SMAD1: variants seen among roughly 807,000 people sequenced by gnomAD.
SMAD1 encodes MAD, mothers against decapentaplegic homolog 1.
A neutral mutation model predicts 41.6 loss-of-function variants in SMAD1; 6 were observed. The observed-to-expected ratio is 0.14, with a 90% CI of 0.08 to 0.28. SMAD1 has a LOEUF of 0.28. SMAD1 is among the 10% of genes least tolerant of loss of function. The pLI is 1.00. For synonymous variants in SMAD1, 206 were observed against 203.2 expected (o/e 1.01, Z -0.12); for missense variants, 379 against 582.6 (o/e 0.65, Z 3.60).
chr4:145,534,156 C>T (rs1222044085), intron 2 of SMAD1, among the ~76,000 whole-genome samples: 2 of 152,168 alleles, frequency 1.3e-5, no homozygotes, highest in South Asian at 2.1e-4. Context: ...AACCTGCCAA[C>T]ACTTTGACTT....
intron 2 of SMAD1, 84 bp downstream of exon 2, chr4:145,515,097 CTTG>C (rs1255054341): frequency 4.0e-5 from 52 of 1,306,238 alleles, no homozygotes; most frequent in Non-Finnish European, 5.1e-5. Context: ...AATCCCTTTG[CTTG>C]TTTTTAGTTG....
At chr4:145,515,253 T>C (rs2126413838) in intron 2 of SMAD1, among the ~76,000 whole-genome samples, 1 of 152,154 alleles carries the variant, frequency 6.6e-6, no homozygotes, top group African/African-American at 2.4e-5. Context: ...GTTAACATTA[T>C]GTCTTGGGAG....
intron 2 of SMAD1, among the ~76,000 whole-genome samples, chr4:145,515,574 A>G (rs991423864): frequency 1.3e-5 from 2 of 152,194 alleles, no homozygotes; most frequent in Non-Finnish European, 1.5e-5. Context: ...AAGGAATTAT[A>G]TCCTTCTATG....
chr4:145,543,412 T>A (rs1732062832), intron 4 of SMAD1, among the ~76,000 whole-genome samples: 1 of 152,232 alleles, frequency 6.6e-6, no homozygotes, highest in Non-Finnish European at 1.5e-5. Context: ...TTAGGATAGA[T>A]ACACATAAAC....
At chr4:145,506,548 C>T (rs890653319) in intron 1 of SMAD1, among the ~76,000 whole-genome samples, 3 of 152,070 alleles carry the variant, frequency 2.0e-5, no homozygotes, top group Non-Finnish European at 4.4e-5. Context: ...AATTATAAAA[C>T]AGCCTCTAGT....
intron 4 of SMAD1, among the ~76,000 whole-genome samples, chr4:145,543,482 T>A (rs1025248823): frequency 1.3e-5 from 2 of 152,208 alleles, no homozygotes; most frequent in African/African-American, 4.8e-5. Flanking sequence ...CTAATAGAAT[T>A]TCTTGCTATT....
At chr4:145,548,771 A>C (rs1732395098) in intron 5 of SMAD1, among the ~76,000 whole-genome samples, 1 of 152,206 alleles carries the variant, frequency 6.6e-6, no homozygotes, top group African/African-American at 2.4e-5. Context: ...AAGAGTGTTT[A>C]CCCTCAAACT....
intron 3 of SMAD1, among the ~76,000 whole-genome samples, chr4:145,540,723 G>A (rs1731877118): frequency 1.4e-5 from 2 of 144,024 alleles, no homozygotes; most frequent in Admixed American, 7.0e-5. Context: ...AGGTTAATGA[G>A]CAAGCATCTC....
At chr4:145,492,400 G>A (rs1728817701) in intron 1 of SMAD1, among the ~76,000 whole-genome samples, 1 of 152,128 alleles carries the variant, frequency 6.6e-6, no homozygotes, top group Non-Finnish European at 1.5e-5. Flanking sequence ...TACAGAGTTC[G>A]GGGAAACTTA....
intron 1 of SMAD1, among the ~76,000 whole-genome samples, chr4:145,489,110 T>TA (rs1245375103): frequency 5.3e-5 from 8 of 152,246 alleles, no homozygotes; most frequent in African/African-American, 1.9e-4. Context: ...TAGCCACACA[T>TA]GGAACAGCAT....
chr4:145,481,232 G>C (rs1214755382), upstream of SMAD1: 1 of 152,080 alleles, frequency 6.6e-6, no homozygotes, highest in Non-Finnish European at 1.5e-5. Flanking sequence ...CGAATCACTG[G>C]ATCCTGAGTT....
rs755489029 is a variant in SMAD1, at chr4:145,548,686, G to C, written c.997+1762G>C. On this transcript the variant is annotated intron_variant, in intron 5 of 6. Coordinates refer to ENST00000302085, the MANE Select transcript of SMAD1 (RefSeq NM_005900.3). ...ATCATTTTGCAACCATCATAGTAAG[G>C]ATCAGGCAAGAATCATCAATGGATG... 7.6e-4 allele frequency among the ~76,000 whole-genome samples: 116 copies of C among 152,152 alleles called. 4 individuals are homozygous for C. The highest frequency in any genetic ancestry group is 1.7e-3 in the Non-Finnish European group (114 of 68,038).
chr4:145,558,081 A>C lies in SMAD1; in HGVS notation c.*147A>C. The stretch of plus-strand genomic sequence containing the variant: ...ACTGTTGGATTCAGAAATTTAAACA[A>C]AAAAAAAAAAAAACACACACACCTT... On this transcript the variant is annotated 3_prime_UTR_variant, in exon 7 of 7. Transcript: ENST00000302085. 3 of 338,334 alleles carry C rather than the reference A, an allele frequency of 8.9e-6. No individual in the cohort carries two copies. The allele number at this position is 338,334 out of a possible 1,614,324, so 21.0% of individuals were successfully genotyped here. A position where few individuals can be genotyped will look rare whatever the true frequency, so the allele number is the denominator to read the frequency against.
At position 145,546,773 on chromosome 4, in the gene SMAD1, T is replaced by C; in HGVS notation, c.846T>C (p.Arg282=). ...TTGTCTACTATGAGCTCAACAATCGTGTGGGTGAAGCGTTCCATGCCTCCT... is the reference window on the plus strand; with the variant it reads ...TTGTCTACTATGAGCTCAACAATCGCGTGGGTGAAGCGTTCCATGCCTCCT... The part of the protein sequence containing the change: ...CSIVYYELNN[R]VGEAFHASST... Residue 282 remains arginine, a synonymous_variant, in exon 5 of 7, where the codon CGT becomes CGC. Coordinates refer to ENST00000302085, the MANE Select transcript of SMAD1 (RefSeq NM_005900.3). The C allele has an allele frequency of 1.2e-6, 2 of 1,614,176 alleles. No homozygotes were observed. Among genetic ancestry groups the C allele is most frequent in the Non-Finnish European group, 8.5e-7 (1 of 1,180,020 alleles).
chr4:145,493,346 A>G (rs1459822150), intron 1 of SMAD1, among the ~76,000 whole-genome samples: 2 of 152,216 alleles, frequency 1.3e-5, no homozygotes, highest in East Asian at 3.9e-4. Context: ...ATAGCTTGCC[A>G]TCTCATCTAT....
intron 1 of SMAD1, among the ~76,000 whole-genome samples, chr4:145,492,767 A>G (rs1031603730): frequency 6.6e-6 from 1 of 152,250 alleles, no homozygotes; most frequent in African/African-American, 2.4e-5. Context: ...AATCATTAGC[A>G]TACAAAAAGA....
At chr4:145,553,624 G>A (rs539396328) in intron 5 of SMAD1, among the ~76,000 whole-genome samples, 160 bp from the exon 6 acceptor site, 40 of 152,230 alleles carry the variant, frequency 2.6e-4, no homozygotes, top group Admixed American at 1.6e-3. Context: ...CCATGGCCCC[G>A]GGGGTTGGGA....
chr4:145,520,962 T>C (rs1323273761), intron 2 of SMAD1, among the ~76,000 whole-genome samples: 1 of 152,210 alleles, frequency 6.6e-6, no homozygotes, highest in East Asian at 1.9e-4. Context: ...AAAACCTTCC[T>C]TTTGTTGAAA....
intron 1 of SMAD1, among the ~76,000 whole-genome samples, chr4:145,489,506 G>A (rs1249429542): frequency 6.6e-6 from 1 of 152,094 alleles, no homozygotes; most frequent in East Asian, 1.9e-4. Context: ...AAACCATGAA[G>A]GCTTGGTGAT....
Sources: gnomAD v4.1 joint callset for allele counts (sites outside exome capture counted in the v4.1 genomes callset) on GRCh38, gnomAD v4.1.1 for gene constraint, MANE v1.5 for transcripts, NCBI Gene and HGNC (gene_info 2026-07-23, HGNC 2026-07-21) for gene names.